Variants in UIMC1 observed in about 807,000 individuals in gnomAD.
UIMC1 encodes the protein BRCA1-A complex subunit RAP80.
In UIMC1, 42 loss-of-function variants were observed where a neutral mutation model predicts 84.9. The ratio of observed to expected loss-of-function variants is 0.49; its 90% CI spans 0.39 to 0.64. The LOEUF is 0.64. Among genes scored for constraint, UIMC1 ranks in the 30% least tolerant of loss-of-function variants. The probability of loss-of-function intolerance (pLI) is 0.00; values close to 1 mark genes in which losing one functional copy is unlikely to be tolerated. For synonymous variants in UIMC1, 281 were observed against 293.0 expected, an observed-to-expected ratio of 0.96 and a Z score of 0.42; for missense variants, 825 against 847.6, an observed-to-expected ratio of 0.97 and a Z score of 0.33.
At chr5:176,942,418 T>G (rs1764545366) in intron 10 of UIMC1, among the ~76,000 whole-genome samples, 1 of 152,078 alleles carries the variant, frequency 6.6e-6, no homozygotes, top group African/African-American at 2.4e-5. Flanking sequence ...AGCCTACCTA[T>G]GTAAAAGAAT....
intron 10 of UIMC1, among the ~76,000 whole-genome samples, chr5:176,913,731 C>T (rs550537804): frequency 1.3e-5 from 2 of 152,338 alleles, no homozygotes; most frequent in South Asian, 2.1e-4. Context: ...AATCCCAACA[C>T]TTTAGGAGGC....
intron 9 of UIMC1, among the ~76,000 whole-genome samples, chr5:176,946,080 C>T (rs986944874): frequency 1.3e-5 from 2 of 152,194 alleles, no homozygotes; most frequent in African/African-American, 2.4e-5. Flanking sequence ...CTAACCTACC[C>T]CTGCCCTCAC....
upstream of UIMC1, among the ~76,000 whole-genome samples, chr5:177,009,017 T>G (rs1461066183): frequency 2.1e-5 from 3 of 143,136 alleles, no homozygotes; most frequent in Admixed American, 6.9e-5. The surrounding 1 kb of genome is among the most constrained non-coding windows in gnomAD (Gnocchi z 4.3). Flanking sequence ...TTTTTGGTGT[T>G]TTTTTTTTTT....
chr5:176,943,249 A>G, intron 10 of UIMC1, 86 bp downstream of exon 10: 1 of 1,456,298 alleles, frequency 6.9e-7, no homozygotes, highest in South Asian at 1.5e-5. Flanking sequence ...AAGAACAGCT[A>G]TGTTTTTTCC....
At chr5:176,936,821 T>C (rs1474817515) in intron 10 of UIMC1, among the ~76,000 whole-genome samples, 3 of 152,210 alleles carry the variant, frequency 2.0e-5, no homozygotes, top group African/African-American at 7.2e-5. Flanking sequence ...TGATCACCTA[T>C]TTTATATTGC....
Position 176,969,460 on chromosome 5 carries a change from T to A in UIMC1, c.463+141A>T, listed in dbSNP as rs374292152. On this transcript the variant is annotated intron_variant, in intron 5 of 14. Coordinates refer to ENST00000511320, the MANE Select transcript of UIMC1 (RefSeq NM_001199298.2). ...GATAAAAGTATGCCGGATATTCTTA[T>A]GATCTCAACTACTTCCTGATTTAAC... 7 of 1,265,926 alleles carry A rather than the reference T, an allele frequency of 5.5e-6. No individual in the cohort carries two copies. The East Asian group carries it at 7.2e-5, about 13-fold the overall frequency. 78.4% of individuals were successfully genotyped at this position (1,265,926 alleles called of 1,614,324 possible).
intron 1 of UIMC1, among the ~76,000 whole-genome samples, chr5:177,017,773 C>A (rs1775703551): frequency 6.6e-6 from 1 of 151,716 alleles, no homozygotes; most frequent in Non-Finnish European, 1.5e-5. Flanking sequence ...TCACCTCAGC[C>A]TCCTGAGTAG....
rs548830687 is a variant in UIMC1, at chr5:176,924,684, A to G, written c.1598-13295T>C. 7.2e-5 allele frequency among the ~76,000 whole-genome samples: 11 copies of G among 152,340 alleles called. No individual in the cohort carries two copies. The South Asian group carries it at 1.7e-3, about 23-fold the overall frequency. ...TATACCTAAATAGAAAATAATAACC[A>G]TAAAGGAAAAAATTGAAAATTAGAC... is the stretch of plus-strand genomic sequence containing the variant. On this transcript the variant is annotated intron_variant, in intron 10 of 14. Transcript: ENST00000511320.
intron 1 of UIMC1, among the ~76,000 whole-genome samples, chr5:177,004,635 C>T (rs929801657): frequency 2.0e-4 from 31 of 152,184 alleles, no homozygotes; most frequent in Non-Finnish European, 1.6e-4. Flanking sequence ...AGAAGCAGGA[C>T]AGGTGCCCCA....
intron 1 of UIMC1, among the ~76,000 whole-genome samples, chr5:176,983,697 G>A (rs190478897): frequency 2.2e-3 from 333 of 152,076 alleles, no homozygotes; most frequent in South Asian, 5.2e-3. Context: ...GCTGCCCATC[G>A]TCTAGGATGT....
At chr5:176,970,392 T>G in intron 4 of UIMC1, 1 of 283,992 alleles carries the variant, frequency 3.5e-6, no homozygotes, top group Non-Finnish European at 6.7e-6. Flanking sequence ...TAGTTCTCAT[T>G]CCCTTTGCTC....
intron 1 of UIMC1, among the ~76,000 whole-genome samples, chr5:176,988,048 T>C (rs760649077): frequency 2.9e-5 from 4 of 139,050 alleles, no homozygotes; most frequent in East Asian, 2.2e-4. Context: ...GGAGGATCAA[T>C]TGAGCCCAGG....
chr5:176,973,380 G>A (rs1769561585), intron 3 of UIMC1, among the ~76,000 whole-genome samples: 1 of 151,942 alleles, frequency 6.6e-6, no homozygotes. Flanking sequence ...CTTATCTGTG[G>A]TATTAAAAAT....
At chr5:176,996,448 G>A (rs1198001148) in intron 1 of UIMC1, among the ~76,000 whole-genome samples, 1 of 152,080 alleles carries the variant, frequency 6.6e-6, no homozygotes, top group Admixed American at 6.6e-5. Context: ...AAGGACTTGT[G>A]GTTACCATCA....
At chr5:176,914,072 C>CAT (rs1211568262) in intron 10 of UIMC1, among the ~76,000 whole-genome samples, 57 of 151,800 alleles carry the variant, frequency 3.8e-4, no homozygotes, top group African/African-American at 1.2e-3. Flanking sequence ...CATACCATAC[C>CAT]ACACCACACC....
At chr5:176,973,032 C>T (rs563814021) in intron 3 of UIMC1, among the ~76,000 whole-genome samples, 6 of 151,886 alleles carry the variant, frequency 4.0e-5, no homozygotes, top group African/African-American at 1.4e-4. Context: ...ACTCCTCCCT[C>T]AGCCTCCGAA....
chr5:176,945,367 T>C (rs1207180366), intron 9 of UIMC1, among the ~76,000 whole-genome samples: 9 of 152,204 alleles, frequency 5.9e-5, no homozygotes, highest in Admixed American at 5.9e-4. Context: ...CCCAGCACTT[T>C]GGAGGCCAAG....
rs141543923 is a variant in UIMC1, at chr5:176,948,015, T to C, written c.1443+3459A>G. ...TCTCCATCCCTCCCCCACCCAATTA[T>C]GTGTAGCTTAGAAACCTCCTTGTTC... is the stretch of plus-strand genomic sequence containing the variant. On this transcript the variant is annotated intron_variant, in intron 9 of 14. Coordinates refer to ENST00000511320, the MANE Select transcript of UIMC1 (RefSeq NM_001199298.2). 5.7e-4 allele frequency among the ~76,000 whole-genome samples: 86 copies of C among 151,988 alleles called. 1 individual carries two copies. In the South Asian group the frequency reaches 0.01, roughly 18 times the overall value.
chr5:176,921,026 A>C (rs2149405795), intron 10 of UIMC1, among the ~76,000 whole-genome samples: 1 of 152,306 alleles, frequency 6.6e-6, no homozygotes, highest in Admixed American at 6.5e-5. Flanking sequence ...TTCTGTGTCC[A>C]TTTAGATATC....
Sources: gnomAD v4.1 joint callset for allele counts (sites outside exome capture counted in the v4.1 genomes callset) on GRCh38, gnomAD v4.1.1 for gene constraint, Gnocchi (gnomAD v3.1) non-coding constraint, MANE v1.5 for transcripts, NCBI Gene and HGNC (gene_info 2026-07-23, HGNC 2026-07-21) for gene names.